The following SCN11A variants were observed in gnomAD, a reference collection of about 807,000 sequenced individuals.
SCN11A encodes the protein sodium voltage-gated channel alpha subunit 11.
Under a neutral mutation model 162.2 loss-of-function variants are expected in SCN11A, and 122 were observed. The ratio of observed to expected loss-of-function variants is 0.75; its 90% CI spans 0.65 to 0.87. The LOEUF (loss-of-function observed/expected upper bound fraction) is 0.87, where lower values mean the gene tolerates loss of function less well. Among genes scored for constraint, SCN11A ranks in the 40% least tolerant of loss-of-function variants. The pLI, the probability that SCN11A is intolerant of heterozygous loss-of-function variation, is 0.00. For synonymous variants in SCN11A, 758 were observed against 751.5 expected (o/e 1.01, Z -0.14); for missense variants, 2,015 against 2,181.6 (o/e 0.92, Z 1.52).
chr3:38,916,502 A>T (rs1018965297), intron 11 of SCN11A, among the ~76,000 whole-genome samples: 1 of 152,114 alleles, frequency 6.6e-6, no homozygotes, highest in African/African-American at 2.4e-5. Flanking sequence ...AAATATGTCT[A>T]ATCTGCCCAG....
At chr3:39,034,547 C>A (rs1456464323) in intron 1 of SCN11A, among the ~76,000 whole-genome samples, 1 of 152,168 alleles carries the variant, frequency 6.6e-6, no homozygotes, top group East Asian at 1.9e-4. Context: ...ATCTGGAACA[C>A]AACAAAGATG....
At chr3:38,955,716 A>C (rs954147270) in intron 3 of SCN11A, among the ~76,000 whole-genome samples, 8 of 152,216 alleles carry the variant, frequency 5.3e-5, no homozygotes, top group Non-Finnish European at 7.3e-5. Context: ...CCTGCTAACA[A>C]ATTTGAAGAT....
At chr3:38,992,991 C>T (rs2030499950) in intron 2 of SCN11A, among the ~76,000 whole-genome samples, 1 of 152,198 alleles carries the variant, frequency 6.6e-6, no homozygotes, top group African/African-American at 2.4e-5. Context: ...CAGACATCCC[C>T]GATTCTCAGG....
chr3:39,017,039 C>T (rs988346121), intron 2 of SCN11A, among the ~76,000 whole-genome samples: 2 of 152,182 alleles, frequency 1.3e-5, no homozygotes, highest in African/African-American at 4.8e-5. Context: ...TGTTGAAATC[C>T]TAACACCCCG....
intron 2 of SCN11A, among the ~76,000 whole-genome samples, chr3:38,963,913 A>C (rs1159916341): frequency 6.6e-6 from 1 of 152,250 alleles, no homozygotes; most frequent in African/African-American, 2.4e-5. Context: ...TGAACAATTA[A>C]GTCACATTTA....
intron 1 of SCN11A, among the ~76,000 whole-genome samples, chr3:39,036,236 C>G (rs1420533525): frequency 6.6e-6 from 1 of 152,182 alleles, no homozygotes; most frequent in Non-Finnish European, 1.5e-5. Context: ...CTCCGCCTCC[C>G]AGGTTCAAGA....
intron 2 of SCN11A, among the ~76,000 whole-genome samples, chr3:38,986,834 TTG>T (rs2030262291): frequency 6.6e-6 from 1 of 152,174 alleles, no homozygotes; most frequent in South Asian, 2.1e-4. Flanking sequence ...GAGCACAGCT[TTG>T]TGTTTGAGGT....
chr3:38,846,744 C>G lies in SCN11A; in HGVS notation c.5326G>C (p.Gly1776Arg), dbSNP rs1191445967. Residue 1776 changes from glycine to arginine, a missense_variant, in exon 30 of 30, where the codon GGA (glycine) becomes CGA (arginine). By Grantham distance (125) the Gly-to-Arg change is moderately radical. Transcript: ENST00000302328. Reference sequence around the variant, plus strand: ...GCCACCCCAAAGCTAGACAAGTCTCCATTGCAAAGAGTCTGGAGTGGTGAA... The same window carrying G: ...GCCACCCCAAAGCTAGACAAGTCTCGATTGCAAAGAGTCTGGAGTGGTGAA... ...PHSPLQTLCN[G>R]DLSSFGVAKG... is the part of the protein sequence containing the mutation. 6.2e-7 allele frequency: 1 copy of G among 1,614,036 alleles called. No homozygotes were observed. The highest frequency in any genetic ancestry group is 8.5e-7 in the Non-Finnish European group (1 of 1,180,022).
Position 38,886,105 on chromosome 3 carries a change from C to G in SCN11A, c.2949+20G>C. The G allele has an allele frequency of 2.0e-6, 3 of 1,530,980 alleles. No individual in the cohort carries two copies. The allele number at this position is 1,530,980 out of a possible 1,614,324, so 94.8% of individuals were successfully genotyped here. A position where few individuals can be genotyped will look rare whatever the true frequency, so the allele number is the denominator to read the frequency against. ...GTGGATGAGCCACAAGTTCCTCTGA[C>G]AACATCCTAGGAAAATTACCTTTCG... On this transcript the variant is annotated intron_variant, in intron 20 of 29. Transcript: ENST00000302328.
intron 11 of SCN11A, among the ~76,000 whole-genome samples, chr3:38,913,228 G>A (rs538504749): frequency 4.6e-5 from 7 of 152,142 alleles, no homozygotes; most frequent in Non-Finnish European, 8.8e-5. Flanking sequence ...TTTGTCTAAT[G>A]GTCAGTGATG....
intron 28 of SCN11A, among the ~76,000 whole-genome samples, chr3:38,856,922 A>G (rs1241909211): frequency 6.6e-6 from 1 of 152,138 alleles, no homozygotes; most frequent in African/African-American, 2.4e-5. Context: ...TCCTACAAGC[A>G]CCAATAATCA....
rs143969897 is a variant in SCN11A, at chr3:38,940,113, T to G, written c.488+5298A>C. Among the ~76,000 whole-genome samples the G allele has an allele frequency of 6.0e-3, 911 of 151,042 alleles. 30 individuals carry two copies. The highest frequency in any genetic ancestry group is 0.053 in the Admixed American group (801 of 15,168). On this transcript the variant is annotated intron_variant, in intron 7 of 29. Transcript: ENST00000302328. ...CAAGGCAACTAGTTACAAGGCATAA[T>G]GAAAGAAAAGACCACATTTATAATG...
At chr3:38,876,593 C>A (rs985668831) in intron 23 of SCN11A, among the ~76,000 whole-genome samples, 17 of 151,998 alleles carry the variant, frequency 1.1e-4, no homozygotes, top group African/African-American at 4.1e-4. Flanking sequence ...AAATGGCCAA[C>A]AAACATAGGA....
At chr3:38,867,765 T>C (rs1409866669) in intron 26 of SCN11A, among the ~76,000 whole-genome samples, 1 of 152,106 alleles carries the variant, frequency 6.6e-6, no homozygotes, top group Non-Finnish European at 1.5e-5. Flanking sequence ...TAAAAAGTCA[T>C]CCATATGGAA....
At chr3:38,899,802 A>G in intron 17 of SCN11A, 92 bp downstream of exon 17, 1 of 985,694 alleles carries the variant, frequency 1.0e-6, no homozygotes, top group Non-Finnish European at 1.5e-6. Context: ...AGATAAATTA[A>G]AGTTTAGTAC....
chr3:39,007,602 C>T (rs961262269), intron 2 of SCN11A, among the ~76,000 whole-genome samples: 2 of 152,052 alleles, frequency 1.3e-5, no homozygotes, highest in Admixed American at 1.3e-4. Flanking sequence ...CCATAAAAAC[C>T]CTAAATAACA....
intron 1 of SCN11A, among the ~76,000 whole-genome samples, chr3:39,045,505 A>C (rs1171790122): frequency 6.6e-6 from 1 of 152,236 alleles, no homozygotes; most frequent in East Asian, 1.9e-4. Context: ...ATCAATAAAC[A>C]AAAGATACAT....
At chr3:38,856,992 A>AG (rs2064880995) in intron 28 of SCN11A, among the ~76,000 whole-genome samples, 1 of 152,008 alleles carries the variant, frequency 6.6e-6, no homozygotes, top group African/African-American at 2.4e-5. Context: ...TAAATTTAAA[A>AG]AACACAGTTC....
chr3:38,997,507 T>C (rs371479294), intron 2 of SCN11A, among the ~76,000 whole-genome samples: 1 of 152,242 alleles, frequency 6.6e-6, no homozygotes, highest in Admixed American at 6.5e-5. Context: ...TTTTTATTTT[T>C]CGTTTCCATA....
Sources: allele counts gnomAD v4.1 joint callset (sites outside exome capture counted in the v4.1 genomes callset), GRCh38; gene constraint gnomAD v4.1.1; transcripts MANE v1.5; gene names NCBI Gene and HGNC (gene_info 2026-07-23, HGNC 2026-07-21).